Variants in LENG8 observed in about 807,000 individuals in gnomAD.
The protein encoded by LENG8 is leukocyte receptor cluster (LRC) member 8.
LENG8 carries 28 observed loss-of-function variants against 102.1 expected under a neutral mutation model. That is an observed-to-expected ratio of 0.27 (90% confidence interval 0.20 to 0.38). The LOEUF (loss-of-function observed/expected upper bound fraction) is 0.38. Ranked by LOEUF, LENG8 falls within the 10% of genes least tolerant of loss-of-function variation. LENG8 has a pLI of 1.00. For synonymous variants in LENG8, 531 were observed against 456.7 expected, an observed-to-expected ratio of 1.16 and a Z score of -2.07; for missense variants, 1,022 against 1,113.9, an observed-to-expected ratio of 0.92 and a Z score of 1.17.
intron 11 of LENG8, 84 bp from the exon 12 acceptor site, chr19:54,457,663 G>A (rs749560470): frequency 1.0e-6 from 1 of 964,166 alleles, no homozygotes; most frequent in Non-Finnish European, 1.7e-6. Flanking sequence ...TTTTAATGTT[G>A]CAACTCTCCC....
intron 15 of LENG8, chr19:54,460,367 G>GT (rs2084468546): frequency 8.3e-7 from 1 of 1,209,058 alleles, no homozygotes; most frequent in Non-Finnish European, 1.0e-6. Flanking sequence ...CCCAGACACT[G>GT]TAACGCAGGG....
intron 8 of LENG8, 128 bp from the exon 9 acceptor site, chr19:54,455,839 A>G (rs1231903050): frequency 4.9e-6 from 5 of 1,022,502 alleles, no homozygotes; most frequent in African/African-American, 1.6e-5. Flanking sequence ...TCTGCACTGT[A>G]GTAGCTGAGC....
rs147412771 is a variant in LENG8 at position 54,454,996 on chromosome 19, C to A, written c.725C>A (p.Pro242His). The A allele has an allele frequency of 4.3e-5, 70 of 1,614,080 alleles. No individual in the cohort carries two copies. The African/African-American group carries it at 8.1e-4, about 19-fold the overall frequency. The change falls in exon 7 of 16, where the codon CCC (proline) becomes CAC (histidine). Residue 242 changes from proline to histidine, a missense_variant. Physicochemically the swap from Pro to His is moderately conservative, Grantham distance 77. Around this residue, in one of 7 missense-constraint regions of LENG8, gnomAD observed 343 missense variants for 320.2 expected, o/e 1.07. Coordinates refer to ENST00000326764, the MANE Select transcript of LENG8 (RefSeq NM_052925.4). ...CTCAAGTTCAACATCCAGAAGCGACCCTTTGCTGTTACCACCCAGAGCTTT... is the reference window on the plus strand; with the variant it reads ...CTCAAGTTCAACATCCAGAAGCGACACTTTGCTGTTACCACCCAGAGCTTT... ...GGLKFNIQKR[P>H]FAVTTQSFGS...
Position 54,455,416 on chromosome 19 carries a change from G to A in LENG8, c.874G>A (p.Asp292Asn), listed in dbSNP as rs1417999187. ...LSGKPDDWPQ[D>N]MKEYVERCFT... Reference sequence around the variant, plus strand: ...TGGGAAGCCGGATGACTGGCCCCAGGACATGAAAGAGTATGTGGAGCGCTG... The same window carrying A: ...TGGGAAGCCGGATGACTGGCCCCAGAACATGAAAGAGTATGTGGAGCGCTG... Residue 292 changes from aspartate to asparagine, a missense_variant, in exon 8 of 16, where the codon GAC becomes AAC. Around this residue, in one of 7 missense-constraint regions of LENG8, gnomAD observed 343 missense variants for 320.2 expected, o/e 1.07. Coordinates refer to ENST00000326764, the MANE Select transcript of LENG8 (RefSeq NM_052925.4). 3 of 1,614,204 alleles carry A rather than the reference G, an allele frequency of 1.9e-6. No homozygotes were observed. Among genetic ancestry groups the A allele is most frequent in the Non-Finnish European group, 1.7e-6 (2 of 1,180,042 alleles).
intron 7 of LENG8, 75 bp downstream of exon 7, chr19:54,455,167 G>C (rs1409533698): frequency 1.3e-5 from 20 of 1,590,682 alleles, no homozygotes; most frequent in African/African-American, 6.7e-5. Flanking sequence ...CCACTGGCCA[G>C]CTGCCCACCC....
intron 2 of LENG8, 123 bp downstream of exon 2, chr19:54,451,505 G>A (rs533702441): frequency 4.1e-5 from 40 of 985,110 alleles, no homozygotes; most frequent in South Asian, 3.3e-4. Context: ...CCCTGTGGGT[G>A]GGGGTGGTGG....
In LENG8 at chr19:54,461,911, C is replaced by T. The variant is rs1440785261; in HGVS notation, c.*983C>T. ...TCCAGATGTTCCTCCTCTGCCTCCC[C>T]TTCCCCTCCTCTCCCCTCCTTTTCC... On this transcript the variant is annotated 3_prime_UTR_variant, in exon 16 of 16. Coordinates refer to ENST00000326764, the MANE Select transcript of LENG8 (RefSeq NM_052925.4). 1 of 873,244 alleles carries T rather than the reference C, an allele frequency of 1.1e-6. No homozygotes were observed. The highest frequency in any genetic ancestry group is 2.0e-6 in the Non-Finnish European group (1 of 508,676). 54.1% of individuals were successfully genotyped at this position (873,244 alleles called of 1,614,324 possible). A position where few individuals can be genotyped will look rare whatever the true frequency, so the allele number is the denominator to read the frequency against.
chr19:54,456,472 CTG>C lies in LENG8; in HGVS notation c.1445+12_1445+13del, dbSNP rs752958278. On this transcript the variant is annotated splice_region_variant and intron_variant, in intron 10 of 15. Transcript: ENST00000326764. ...GGGCGCAGCGTGGGAAGAGGTGAGA[CTG>C]TGTGAGGGCTCGACACACGGGCCAG... 68 of 1,600,934 alleles carry C rather than the reference CTG, an allele frequency of 4.2e-5. No individual in the cohort carries two copies. In the South Asian group the frequency reaches 6.4e-4, roughly 15 times the overall value.
chr19:54,456,716 A>G lies in LENG8; in HGVS notation c.1526A>G (p.Lys509Arg), dbSNP rs780381843. ...ECEDPERELK[K>R]QKRAARFQHG... ...GAGGACCCGGAGCGAGAGCTGAAGA[A>G]GCAGAAGCGGGCAGCCCGCTTCCAG... The change falls in exon 11 of 16, where the codon AAG (lysine) becomes AGG (arginine). Residue 509 changes from lysine (K) to arginine (R), a missense_variant. Physicochemically the swap from Lys to Arg is conservative, Grantham distance 26 (BLOSUM62 2). This residue lies in a region of LENG8 where 326 missense variants were observed against 324.5 expected (regional missense o/e 1.00). Transcript: ENST00000326764. 6.2e-7 allele frequency: 1 copy of G among 1,613,258 alleles called. No individual in the cohort carries two copies. The highest frequency in any genetic ancestry group is 2.2e-5 in the East Asian group (1 of 44,842).
chr19:54,453,574 C>G lies in LENG8; in HGVS notation c.344C>G (p.Ser115Cys), dbSNP rs2084065118. 3.1e-6 allele frequency: 5 copies of G among 1,614,032 alleles called. No individual in the cohort carries two copies. Among genetic ancestry groups the G allele is most frequent in the Non-Finnish European group, 3.4e-6 (4 of 1,179,966 alleles). ...ATGTACCAGAGCTATGGCTCCCCTT[C>G]CCAGTATGGGATGGCCGGCTCCTAT... ...MSMYQSYGSPSQYGMAGSYGS... is the reference protein window; with the variant it reads ...MSMYQSYGSPCQYGMAGSYGS... The change falls in exon 5 of 16, where the codon TCC (serine) becomes TGC (cysteine). Residue 115 changes from serine to cysteine, a missense_variant. Coordinates refer to ENST00000326764, the MANE Select transcript of LENG8 (RefSeq NM_052925.4).
chr19:54,460,718 T>TTGGCCC, intron 15 of LENG8, 48 bp from the exon 16 acceptor site: 7 of 1,048,024 alleles, frequency 6.7e-6, no homozygotes, highest in Non-Finnish European at 8.9e-6. Context: ...GGCCCTCCCC[T>TTGGCCC]GCCCTCCCGC....
chr19:54,459,703 T>G, intron 15 of LENG8: 2 of 1,028,104 alleles, frequency 1.9e-6, no homozygotes, highest in Non-Finnish European at 2.3e-6. Context: ...CCTGGAGGTT[T>G]GGAGACTCAT....
At chr19:54,458,668 C>T (rs1244162147) in intron 15 of LENG8, 147 bp downstream of exon 15, 15 of 1,552,264 alleles carry the variant, frequency 9.7e-6, no homozygotes, top group Admixed American at 2.0e-5. Context: ...CTCCATTCAG[C>T]CCTCCCCTCT....
intron 4 of LENG8, among the ~76,000 whole-genome samples, chr19:54,453,332 G>A (rs1231109061): frequency 6.6e-6 from 1 of 152,186 alleles, no homozygotes. Flanking sequence ...CAGTATCGTT[G>A]ATTATATTCT....
chr19:54,450,066 T>A (rs2083886341), intron 1 of LENG8, among the ~76,000 whole-genome samples: 1 of 152,232 alleles, frequency 6.6e-6, no homozygotes, highest in South Asian at 2.1e-4. Flanking sequence ...TTTAGGCTCC[T>A]GAATCCTTGC....
At chr19:54,450,644 CAG>C (rs1477764380) in intron 1 of LENG8, among the ~76,000 whole-genome samples, 1 of 122,144 alleles carries the variant, frequency 8.2e-6, no homozygotes, top group African/African-American at 3.2e-5. Flanking sequence ...TTTTTTGAGA[CAG>C]AGTTTCGCTC....
rs1187123128 is a variant in LENG8, at chr19:54,461,274, C to T, written c.*346C>T. ...GCTTGCACTCCGGTACCCGACCCGG[C>T]GCCCTGGCCCATCCCATGCCGGGGG... is the stretch of plus-strand genomic sequence containing the variant. On this transcript the variant is annotated 3_prime_UTR_variant, in exon 16 of 16. Coordinates refer to ENST00000326764, the MANE Select transcript of LENG8 (RefSeq NM_052925.4). The T allele has an allele frequency of 2.1e-5, 10 of 483,938 alleles. No individual in the cohort carries two copies. Among genetic ancestry groups the T allele is most frequent in the Admixed American group, 7.4e-5 (3 of 40,582 alleles). 30.0% of individuals were successfully genotyped at this position (483,938 alleles called of 1,614,324 possible).
At chr19:54,456,614 A>C in intron 10 of LENG8, 22 bp from the exon 11 acceptor site, 1 of 1,597,258 alleles carries the variant, frequency 6.3e-7, no homozygotes, top group Non-Finnish European at 8.5e-7. Flanking sequence ...TGTCGCGCTC[A>C]CTGCCCCTCA....
intron 1 of LENG8, 136 bp from the exon 2 acceptor site, chr19:54,451,154 C>T (rs1007151828): frequency 3.1e-6 from 2 of 647,126 alleles, no homozygotes; most frequent in African/African-American, 1.8e-5. Context: ...TCTTCAGATC[C>T]TTGACCCCAG....
Sources: allele counts gnomAD v4.1 joint callset (sites outside exome capture counted in the v4.1 genomes callset), GRCh38; gene constraint gnomAD v4.1.1; regional missense constraint gnomAD v4.1.1; transcripts MANE v1.5; gene names NCBI Gene and HGNC (gene_info 2026-07-23, HGNC 2026-07-21).